Variants in OVOL2 observed in about 807,000 individuals in gnomAD.
OVOL2 encodes ovo like zinc finger 2.
OVOL2 carries 13 observed loss-of-function variants against 18.1 expected under a neutral mutation model. The observed-to-expected ratio is 0.72, with a 90% confidence interval of 0.47 to 1.14. The LOEUF (loss-of-function observed/expected upper bound fraction) is 1.14, where lower values mean the gene tolerates loss of function less well. Ranked by LOEUF, OVOL2 falls within the 50% of genes most tolerant of loss-of-function variation. The pLI, the probability that OVOL2 is intolerant of heterozygous loss-of-function variation, is 0.00. For missense variants in OVOL2, 335 were observed against 383.0 expected, an observed-to-expected ratio of 0.87 and a Z score of 1.05; for synonymous variants, 166 against 162.7, an observed-to-expected ratio of 1.02 and a Z score of -0.16.
intron 2 of OVOL2, among the ~76,000 whole-genome samples, chr20:18,055,321 T>C (rs897522200): frequency 6.6e-6 from 1 of 152,148 alleles, no homozygotes; most frequent in African/African-American, 2.4e-5. Flanking sequence ...GCAATTGTCC[T>C]TCCAGCCTGG....
intron 2 of OVOL2, among the ~76,000 whole-genome samples, chr20:18,044,361 C>T (rs186999402): frequency 2.0e-5 from 3 of 152,282 alleles, no homozygotes; most frequent in Non-Finnish European, 2.9e-5. Flanking sequence ...AGCAAGCATT[C>T]GGTCCCATTC....
chr20:18,048,916 T>C (rs897068610), intron 2 of OVOL2, among the ~76,000 whole-genome samples: 2 of 152,030 alleles, frequency 1.3e-5, no homozygotes, highest in African/African-American at 4.8e-5. Context: ...CCAGGGGTGG[T>C]TTTTACACCA....
intron 3 of OVOL2, among the ~76,000 whole-genome samples, chr20:18,038,478 T>C (rs1323514362): frequency 1.3e-5 from 2 of 152,200 alleles, no homozygotes; most frequent in East Asian, 3.8e-4. Context: ...AGTTCTTAAC[T>C]ACTATGTGAC....
At chr20:18,034,103 T>C (rs2036593881) in intron 3 of OVOL2, among the ~76,000 whole-genome samples, 1 of 152,150 alleles carries the variant, frequency 6.6e-6, no homozygotes, top group African/African-American at 2.4e-5. Flanking sequence ...CCCTCAATTA[T>C]ATAGTGGCTG....
intron 3 of OVOL2, among the ~76,000 whole-genome samples, chr20:18,038,359 C>A (rs906092408): frequency 1.3e-5 from 2 of 152,176 alleles, no homozygotes; most frequent in Non-Finnish European, 2.9e-5. Context: ...ACAACCATCA[C>A]TTTAAGTGGC....
chr20:18,040,790 C>G (rs915870218), intron 3 of OVOL2, among the ~76,000 whole-genome samples: 1 of 152,180 alleles, frequency 6.6e-6, no homozygotes, highest in Non-Finnish European at 1.5e-5. Flanking sequence ...CGGGTCAGCT[C>G]TAAAGGCAAT....
chr20:18,050,413 G>T (rs1336101183), intron 2 of OVOL2, among the ~76,000 whole-genome samples: 3 of 152,224 alleles, frequency 2.0e-5, no homozygotes, highest in Non-Finnish European at 4.4e-5. Context: ...GCCCAGTTCT[G>T]CTCTGTGGCT....
intron 3 of OVOL2, among the ~76,000 whole-genome samples, chr20:18,031,935 C>CT (rs1248809528): frequency 5.3e-5 from 8 of 152,196 alleles, no homozygotes; most frequent in Admixed American, 5.2e-4. Flanking sequence ...GCTTTCCTTG[C>CT]TATAGCTCAA....
intron 2 of OVOL2, among the ~76,000 whole-genome samples, chr20:18,048,165 T>C (rs1370471389): frequency 1.3e-5 from 2 of 151,800 alleles, no homozygotes; most frequent in Non-Finnish European, 2.9e-5. Context: ...TGCACGCCTA[T>C]AGTCCCAGCT....
At chr20:18,033,475 A>G (rs1484317137) in intron 3 of OVOL2, among the ~76,000 whole-genome samples, 2 of 152,216 alleles carry the variant, frequency 1.3e-5, no homozygotes, top group Admixed American at 6.5e-5. Flanking sequence ...TGGGAGCCCC[A>G]CGGATGTGTG....
Position 18,057,700 on chromosome 20 carries a change from G to A in OVOL2, c.-66C>T, listed in dbSNP as rs1444025937. On this transcript the variant is annotated 5_prime_UTR_variant, in exon 1 of 4. Transcript: ENST00000278780. The surrounding 1 kb of genome is among the most constrained non-coding windows in gnomAD (Gnocchi z 6.3). Reference sequence around the variant, plus strand: ...CTGCTCCCCGCTAGGGGCAACGGCGGCGGCTCCGTCCCCGGCTCCCGGCGG... The same window carrying A: ...CTGCTCCCCGCTAGGGGCAACGGCGACGGCTCCGTCCCCGGCTCCCGGCGG... 1.0e-5 allele frequency: 15 copies of A among 1,486,822 alleles called. No individual in the cohort carries two copies. The highest frequency in any genetic ancestry group is 1.3e-5 in the Non-Finnish European group (15 of 1,118,424). The allele number at this position is 1,486,822 out of a possible 1,614,324, so 92.1% of individuals were successfully genotyped here.
chr20:18,045,165 C>A (rs942524975), intron 2 of OVOL2, among the ~76,000 whole-genome samples: 1 of 152,168 alleles, frequency 6.6e-6, no homozygotes, highest in Non-Finnish European at 1.5e-5. Flanking sequence ...TCTCCTTGCC[C>A]GGCAGTCCCC....
rs1180214563 is a variant in OVOL2 at position 18,056,904 on chromosome 20, C to T, written c.101-27G>A. The T allele has an allele frequency of 6.8e-7, 1 of 1,473,070 alleles. No individual in the cohort carries two copies. The highest frequency in any genetic ancestry group is 1.3e-5 in the South Asian group (1 of 77,204). 91.2% of individuals were successfully genotyped at this position (1,473,070 alleles called of 1,614,324 possible). Reference sequence around the variant, plus strand: ...TGTGGAGGGAGGGGCCGCGCCCCGACACACACACTCGGCGTCAACCCGCAC... The same window carrying T: ...TGTGGAGGGAGGGGCCGCGCCCCGATACACACACTCGGCGTCAACCCGCAC... On this transcript the variant is annotated intron_variant, in intron 1 of 3. Coordinates refer to ENST00000278780, the MANE Select transcript of OVOL2 (RefSeq NM_021220.4). The surrounding 1 kb of genome is among the most constrained non-coding windows in gnomAD (Gnocchi z 4.2).
intron 3 of OVOL2, 56 bp from the exon 4 acceptor site, chr20:18,025,008 C>A: frequency 6.5e-7 from 1 of 1,548,436 alleles, no homozygotes; most frequent in South Asian, 1.2e-5. Context: ...GCCAGAACCA[C>A]CCAACTATGA....
At position 18,024,669 on chromosome 20, in the gene OVOL2, A is replaced by G. The variant is rs1162258604; in HGVS notation, c.795T>C (p.Asn265=). The change falls in exon 4 of 4, where the codon AAT becomes AAC. Residue 265 remains asparagine (N), a synonymous_variant. Transcript: ENST00000278780. The part of the protein sequence containing the change: ...QGKLTSAHQE[N]TSLSEEEERK The stretch of plus-strand genomic sequence containing the variant: ...TCTCCTCCTCCTCACTCAGGCTGGT[A>G]TTCTCCTGGTGTGCGGATGTCAGCT... 1.2e-6 allele frequency: 2 copies of G among 1,612,890 alleles called. No individual in the cohort carries two copies. Among genetic ancestry groups the G allele is most frequent in the Admixed American group, 1.7e-5 (1 of 59,860 alleles).
At chr20:18,038,798 C>T (rs1211831374) in intron 3 of OVOL2, among the ~76,000 whole-genome samples, 2 of 152,154 alleles carry the variant, frequency 1.3e-5, no homozygotes, top group East Asian at 1.9e-4. Flanking sequence ...CAATGGCCAG[C>T]GACTTCAGGA....
At chr20:18,053,700 T>C (rs2036790247) in intron 2 of OVOL2, among the ~76,000 whole-genome samples, 4 of 101,632 alleles carry the variant, frequency 3.9e-5, no homozygotes, top group African/African-American at 2.6e-4. Context: ...AGACTCTGTC[T>C]CAAAAAAAAA....
At chr20:18,047,149 C>A (rs2036730128) in intron 2 of OVOL2, among the ~76,000 whole-genome samples, 1 of 152,130 alleles carries the variant, frequency 6.6e-6, no homozygotes, top group Non-Finnish European at 1.5e-5. Context: ...GGCAAGTTAC[C>A]TAACTTAGTT....
chr20:18,047,143 A>C (rs925848964), intron 2 of OVOL2, among the ~76,000 whole-genome samples: 3 of 152,312 alleles, frequency 2.0e-5, no homozygotes, highest in East Asian at 3.9e-4. Context: ...GTTTGTGGCA[A>C]GTTACCTAAC....
Sources: allele counts gnomAD v4.1 joint callset (sites outside exome capture counted in the v4.1 genomes callset), GRCh38; gene constraint gnomAD v4.1.1; non-coding constraint Gnocchi (gnomAD v3.1); transcripts MANE v1.5; gene names NCBI Gene and HGNC (gene_info 2026-07-23, HGNC 2026-07-21).